ARHGAP15: variants seen among roughly 807,000 people sequenced by gnomAD.
The protein encoded by ARHGAP15 is rho GTPase-activating protein 15.
In ARHGAP15, 51 loss-of-function variants were observed where a neutral mutation model predicts 63.7. The observed-to-expected ratio is 0.80, with a 90% CI of 0.64 to 1.01. The LOEUF is 1.01. Among genes scored for constraint, ARHGAP15 ranks in the 50% least tolerant of loss-of-function variants. The pLI is 0.00. For synonymous variants in ARHGAP15, 191 were observed against 193.8 expected, an observed-to-expected ratio of 0.99 and a Z score of 0.12; for missense variants, 560 against 564.6, an observed-to-expected ratio of 0.99 and a Z score of 0.08.
At chr2:143,278,279 T>C (rs899581138) in intron 6 of ARHGAP15, among the ~76,000 whole-genome samples, 5 of 152,168 alleles carry the variant, frequency 3.3e-5, no homozygotes, top group African/African-American at 1.2e-4. Context: ...GGATTCTTTC[T>C]TATACCTCTT....
At chr2:143,568,557 T>C (rs1378122450) in intron 11 of ARHGAP15, among the ~76,000 whole-genome samples, 1 of 152,248 alleles carries the variant, frequency 6.6e-6, no homozygotes, top group East Asian at 1.9e-4. Context: ...GTTTTTACAC[T>C]GTTGGTGGTA....
chr2:143,555,509 G>A (rs1390598554), intron 10 of ARHGAP15, among the ~76,000 whole-genome samples: 1 of 152,036 alleles, frequency 6.6e-6, no homozygotes, highest in Admixed American at 6.6e-5. Flanking sequence ...TATAGTGTTT[G>A]ACTAAGTGTT....
chr2:143,178,458 G>A (rs1304424222), intron 2 of ARHGAP15, among the ~76,000 whole-genome samples: 1 of 152,096 alleles, frequency 6.6e-6, no homozygotes, highest in African/African-American at 2.4e-5. Context: ...AATTGATATT[G>A]GCTAAATAGT....
Position 143,504,885 on chromosome 2 carries a change from C to G in ARHGAP15, c.827-14381C>G, listed in dbSNP as rs190568421. ...TTCCATGTGCCAGAATGTGCTCCAT[C>G]CCTCTGGATCCCACTGAATTTCTAG... On this transcript the variant is annotated intron_variant, in intron 9 of 13. Transcript: ENST00000295095. Among the ~76,000 whole-genome samples, 11 of 152,298 alleles carry G rather than the reference C, an allele frequency of 7.2e-5. No individual in the cohort carries two copies. In the East Asian group the frequency reaches 2.1e-3, roughly 29 times the overall value.
intron 11 of ARHGAP15, among the ~76,000 whole-genome samples, chr2:143,621,772 G>A (rs1022753071): frequency 2.0e-5 from 3 of 152,064 alleles, no homozygotes; most frequent in South Asian, 2.1e-4. Context: ...CACTATGTTC[G>A]ATTTTCATGT....
chr2:143,453,832 A>G (rs900446728), intron 8 of ARHGAP15, among the ~76,000 whole-genome samples: 1 of 151,920 alleles, frequency 6.6e-6, no homozygotes, highest in African/African-American at 2.4e-5. Context: ...GATAGGGGTC[A>G]ATTTCTTTGT....
At chr2:143,346,595 C>T (rs2105301617) in intron 6 of ARHGAP15, among the ~76,000 whole-genome samples, 1 of 152,168 alleles carries the variant, frequency 6.6e-6, no homozygotes, top group South Asian at 2.1e-4. Flanking sequence ...TCAGTCGGCA[C>T]CGACCAAAAT....
chr2:143,545,998 G>C (rs990693820), intron 10 of ARHGAP15, among the ~76,000 whole-genome samples: 1 of 152,192 alleles, frequency 6.6e-6, no homozygotes. Context: ...TGAAAGGCTA[G>C]AACAGCTTTG....
chr2:143,684,596 A>ATCTT (rs1191772842), intron 12 of ARHGAP15, among the ~76,000 whole-genome samples: 1 of 152,198 alleles, frequency 6.6e-6, no homozygotes, highest in Non-Finnish European at 1.5e-5. Flanking sequence ...CCTTCAGTTA[A>ATCTT]TCTTTCTCTC....
intron 11 of ARHGAP15, among the ~76,000 whole-genome samples, chr2:143,579,578 G>A (rs1487990449): frequency 2.0e-5 from 3 of 152,074 alleles, no homozygotes; most frequent in African/African-American, 7.2e-5. Context: ...GCCCACGACC[G>A]TGAGGGGAGC....
At chr2:143,457,946 A>G (rs1302832904) in intron 8 of ARHGAP15, among the ~76,000 whole-genome samples, 3 of 152,050 alleles carry the variant, frequency 2.0e-5, no homozygotes, top group African/African-American at 4.8e-5. Context: ...TTAACTAAAC[A>G]TAACTAAAGA....
intron 13 of ARHGAP15, among the ~76,000 whole-genome samples, chr2:143,767,682 A>G (rs1301229986): frequency 6.6e-6 from 1 of 152,080 alleles, no homozygotes; most frequent in Non-Finnish European, 1.5e-5. Flanking sequence ...AAGCATTTTA[A>G]AGGCTGAATC....
intron 6 of ARHGAP15, among the ~76,000 whole-genome samples, chr2:143,342,598 G>A (rs761556730): frequency 6.6e-6 from 1 of 152,024 alleles, no homozygotes; most frequent in Admixed American, 6.6e-5. Flanking sequence ...GTCTAGCACT[G>A]AAGTTCCAAA....
intron 5 of ARHGAP15, among the ~76,000 whole-genome samples, chr2:143,245,574 T>G (rs1394741469): frequency 6.6e-6 from 1 of 151,190 alleles, no homozygotes; most frequent in Non-Finnish European, 1.5e-5. Context: ...TAAGTGAGAT[T>G]GAGAAAAAGT....
intron 12 of ARHGAP15, among the ~76,000 whole-genome samples, chr2:143,657,620 T>G (rs906002131): frequency 9.2e-5 from 14 of 152,250 alleles, no homozygotes; most frequent in African/African-American, 2.2e-4. Context: ...CCTGTAATGT[T>G]TCAAAGTATA....
chr2:143,250,829 T>C (rs1434517712), intron 6 of ARHGAP15, among the ~76,000 whole-genome samples: 1 of 152,090 alleles, frequency 6.6e-6, no homozygotes, highest in Non-Finnish European at 1.5e-5. Flanking sequence ...TTGATTAATA[T>C]AAACACACAA....
intron 6 of ARHGAP15, among the ~76,000 whole-genome samples, chr2:143,262,308 C>T (rs887643271): frequency 6.6e-6 from 1 of 152,030 alleles, no homozygotes; most frequent in Non-Finnish European, 1.5e-5. Context: ...TGATGGCTGG[C>T]CTCAATCTCT....
intron 13 of ARHGAP15, among the ~76,000 whole-genome samples, chr2:143,765,743 G>A (rs757623043): frequency 2.6e-5 from 4 of 152,050 alleles, no homozygotes; most frequent in Non-Finnish European, 5.9e-5. Flanking sequence ...ACTAGGGCCA[G>A]GAGTCATTAC....
intron 2 of ARHGAP15, among the ~76,000 whole-genome samples, chr2:143,199,511 A>C (rs1221552767): frequency 6.6e-6 from 1 of 151,828 alleles, no homozygotes; most frequent in African/African-American, 2.4e-5. Context: ...CAGCGCCCAA[A>C]CTCCTTCCAT....
Sources: allele counts gnomAD v4.1 joint callset (sites outside exome capture counted in the v4.1 genomes callset), GRCh38; gene constraint gnomAD v4.1.1; transcripts MANE v1.5; gene names NCBI Gene and HGNC (gene_info 2026-07-23, HGNC 2026-07-21).